Variants in APP observed in about 807,000 individuals in gnomAD.
APP encodes amyloid beta precursor protein, also known as amyloid-beta precursor protein.
Under a neutral mutation model 101.4 loss-of-function variants are expected in APP, and 31 were observed. The observed-to-expected ratio is 0.31, with a 90% CI of 0.23 to 0.41. The LOEUF is 0.41. Ranked by LOEUF, APP falls within the 10% of genes least tolerant of loss-of-function variation. The probability of loss-of-function intolerance (pLI) is 1.00; values close to 1 mark genes in which losing one functional copy is unlikely to be tolerated. For missense variants in APP, 839 were observed against 1,003.7 expected (o/e 0.84, Z 2.22); for synonymous variants, 366 against 364.4 (o/e 1.00, Z -0.05).
chr21:25,940,727 G>C (rs1471216489), intron 13 of APP, among the ~76,000 whole-genome samples: 2 of 152,110 alleles, frequency 1.3e-5, no homozygotes, highest in Non-Finnish European at 2.9e-5. Flanking sequence ...TAGGTGACTG[G>C]GGTGCTACAA....
chr21:26,102,881 C>A (rs2062093330), intron 2 of APP, among the ~76,000 whole-genome samples: 1 of 97,408 alleles, frequency 1.0e-5, no homozygotes, highest in Non-Finnish European at 1.8e-5. Flanking sequence ...TGGAGTGGGA[C>A]TCTGTCTCAA....
At chr21:26,043,745 T>C (rs114352336) in intron 5 of APP, among the ~76,000 whole-genome samples, 3,015 of 152,322 alleles carry the variant, frequency 0.02, 84 homozygotes, top group African/African-American at 0.069. Flanking sequence ...TCTTGGTAAG[T>C]AGGATAGGCT....
intron 3 of APP, among the ~76,000 whole-genome samples, chr21:26,073,093 CA>C (rs2061436953): frequency 6.6e-6 from 1 of 152,080 alleles, no homozygotes; most frequent in Non-Finnish European, 1.5e-5. Flanking sequence ...ATCATCAATG[CA>C]GGCCTCTGAA....
rs114803281 is a variant in APP, at chr21:26,064,475, A to G, written c.356-11127T>C. ...AGTTCACATAATAAGGTGTCATGCC[A>G]AACTCCTACTGACTGCAATGTGGAT... On this transcript the variant is annotated intron_variant, in intron 3 of 17. Coordinates refer to ENST00000346798, the MANE Select transcript of APP (RefSeq NM_000484.4). 8.2e-3 allele frequency among the ~76,000 whole-genome samples: 1,253 copies of G among 152,332 alleles called. 10 individuals carry two copies. Among genetic ancestry groups the G allele is most frequent in the African/African-American group, 0.028 (1,183 of 41,574 alleles).
intron 1 of APP, among the ~76,000 whole-genome samples, chr21:26,120,495 G>A (rs2062541785): frequency 6.6e-6 from 1 of 152,154 alleles, no homozygotes; most frequent in Non-Finnish European, 1.5e-5. Flanking sequence ...GGTAGGATCA[G>A]TTATGGCTTA....
rs545203624 is a variant in APP, at chr21:25,938,395, T to A, written c.1687+16195A>T. Among the ~76,000 whole-genome samples the A allele has an allele frequency of 1.2e-4, 19 of 152,174 alleles. No homozygotes were observed. The East Asian group carries it at 3.3e-3, about 26-fold the overall frequency. On this transcript the variant is annotated intron_variant, in intron 13 of 17. Coordinates refer to ENST00000346798, the MANE Select transcript of APP (RefSeq NM_000484.4). ...CTCTGCCAGAATGTATTTAGAGTTG[T>A]CTCTAAATACATTCTGAGTCTCTGC...
In APP at chr21:25,911,801, C is replaced by T. The variant is rs201479601; in HGVS notation, c.1849G>A (p.Asp617Asn). ...CCAAAAGAATGCCACGGCTGGAGATCGTCCAGGCTGAACTCTCCATTCACG... is the reference window on the plus strand; with the variant it reads ...CCAAAAGAATGCCACGGCTGGAGATTGTCCAGGCTGAACTCTCCATTCACG... Reference protein sequence around the residue: ...LPVNGEFSLDDLQPWHSFGAD... With the variant: ...LPVNGEFSLDNLQPWHSFGAD... Residue 617 changes from aspartate (D) to asparagine (N), a missense_variant, in exon 14 of 18, where the codon GAT (aspartate) becomes AAT (asparagine). Physicochemically the swap from Asp to Asn is conservative, Grantham distance 23. Transcript: ENST00000346798. 13 of 1,614,026 alleles carry T rather than the reference C, an allele frequency of 8.1e-6. No individual in the cohort carries two copies. Among genetic ancestry groups the T allele is most frequent in the African/African-American group, 4.0e-5 (3 of 74,922 alleles).
chr21:25,888,483 A>C (rs1449488787), intron 17 of APP, among the ~76,000 whole-genome samples: 1 of 152,140 alleles, frequency 6.6e-6, no homozygotes. Flanking sequence ...ATGGGGCTGC[A>C]CAGAGGGCTG....
At chr21:26,109,807 C>T (rs545503247) in intron 2 of APP, among the ~76,000 whole-genome samples, 46 of 152,262 alleles carry the variant, frequency 3.0e-4, no homozygotes, top group African/African-American at 1.0e-3. Flanking sequence ...TAGATGCAAA[C>T]TATGACACAT....
chr21:25,906,188 A>T (rs1601357271), intron 14 of APP, among the ~76,000 whole-genome samples: 1 of 152,248 alleles, frequency 6.6e-6, no homozygotes, highest in East Asian at 1.9e-4. Flanking sequence ...GTGAGGGAGA[A>T]AAAAAGTGGC....
chr21:25,897,512 G>A, intron 16 of APP, 61 bp downstream of exon 16: 1 of 1,231,280 alleles, frequency 8.1e-7, no homozygotes, highest in Non-Finnish European at 1.2e-6. Flanking sequence ...GGATGAACCA[G>A]AGTTAATAGG....
At chr21:26,059,833 G>GT (rs1462829092) in intron 3 of APP, among the ~76,000 whole-genome samples, 1 of 141,470 alleles carries the variant, frequency 7.1e-6, no homozygotes, top group Non-Finnish European at 1.5e-5. Context: ...GGAGGTTGCA[G>GT]TGAGCCAAGA....
chr21:26,019,449 G>C lies in APP; in HGVS notation c.865+2391C>G, dbSNP rs565221105. On this transcript the variant is annotated intron_variant, in intron 6 of 17. Coordinates refer to ENST00000346798, the MANE Select transcript of APP (RefSeq NM_000484.4). ...TCATGCTCTCCATGGAACCTTCTCTGATCAATCCAGAAGTTCCCTCTTACT... is the reference window on the plus strand; with the variant it reads ...TCATGCTCTCCATGGAACCTTCTCTCATCAATCCAGAAGTTCCCTCTTACT... Among the ~76,000 whole-genome samples the C allele has an allele frequency of 2.6e-5, 4 of 152,184 alleles. No homozygotes were observed. The South Asian group carries it at 8.3e-4, about 32-fold the overall frequency.
intron 3 of APP, among the ~76,000 whole-genome samples, chr21:26,075,441 C>T (rs2061483037): frequency 6.6e-6 from 1 of 152,192 alleles, no homozygotes; most frequent in South Asian, 2.1e-4. Flanking sequence ...ACCTATTACC[C>T]TACAAGTTTG....
chr21:26,150,719 G>A (rs1219092629), intron 1 of APP, among the ~76,000 whole-genome samples: 2 of 152,158 alleles, frequency 1.3e-5, no homozygotes, highest in Non-Finnish European at 2.9e-5. Flanking sequence ...CTCTTTCATG[G>A]TTGTATCCCA....
chr21:25,890,020 C>G, intron 17 of APP, among the ~76,000 whole-genome samples: 2 of 152,092 alleles, frequency 1.3e-5, no homozygotes, highest in Admixed American at 1.3e-4. Context: ...ATGAAATAAG[C>G]TGATACTAAT....
At chr21:25,981,265 T>C (rs1255382083) in intron 9 of APP, among the ~76,000 whole-genome samples, 1 of 152,252 alleles carries the variant, frequency 6.6e-6, no homozygotes, top group African/African-American at 2.4e-5. Flanking sequence ...AGCAGTCTAA[T>C]TCATAAATTG....
At chr21:26,025,924 A>G (rs1371429103) in intron 5 of APP, among the ~76,000 whole-genome samples, 1 of 152,218 alleles carries the variant, frequency 6.6e-6, no homozygotes, top group Non-Finnish European at 1.5e-5. Context: ...ATAATGCTGC[A>G]TCTTCCCAAA....
At chr21:26,021,783 G>A in intron 6 of APP, 57 bp downstream of exon 6, 3 of 1,597,556 alleles carry the variant, frequency 1.9e-6, no homozygotes, top group East Asian at 4.5e-5. Context: ...TTCCAACTCT[G>A]GTATTACGCT....
Sources: gnomAD v4.1 joint callset for allele counts (sites outside exome capture counted in the v4.1 genomes callset) on GRCh38, gnomAD v4.1.1 for gene constraint, MANE v1.5 for transcripts, NCBI Gene and HGNC (gene_info 2026-07-23, HGNC 2026-07-21) for gene names.